The following MRPS28 variants were observed in gnomAD, a reference collection of about 807,000 sequenced individuals.
MRPS28 encodes mitochondrial ribosomal protein S28.
In MRPS28, 7 loss-of-function variants were observed where a neutral mutation model predicts 10.8. That is an observed-to-expected ratio of 0.65 (90% confidence interval 0.37 to 1.22). The LOEUF is 1.22. Ranked by LOEUF, MRPS28 falls within the 50% of genes most tolerant of loss-of-function variation. The pLI, the probability that MRPS28 is intolerant of heterozygous loss-of-function variation, is 0.02. For missense variants in MRPS28, 265 were observed against 232.9 expected, an observed-to-expected ratio of 1.14 and a Z score of -0.90; for synonymous variants, 121 against 93.3, an observed-to-expected ratio of 1.30 and a Z score of -1.71.
At chr8:79,986,709 A>C (rs1239358126) in intron 2 of MRPS28, among the ~76,000 whole-genome samples, 7 of 151,780 alleles carry the variant, frequency 4.6e-5, no homozygotes, top group Non-Finnish European at 8.8e-5. Flanking sequence ...CTAGGAATCC[A>C]ACTTACAAGG....
chr8:79,962,013 C>T (rs540638042), intron 2 of MRPS28, among the ~76,000 whole-genome samples: 162 of 152,004 alleles, frequency 1.1e-3, no homozygotes, highest in African/African-American at 3.7e-3. Flanking sequence ...TTAAGTGGAA[C>T]GAATATTTCT....
intron 2 of MRPS28, among the ~76,000 whole-genome samples, chr8:79,926,194 G>A (rs2129868775): frequency 6.6e-6 from 1 of 152,214 alleles, no homozygotes; most frequent in Non-Finnish European, 1.5e-5. Context: ...CCTGAAATAT[G>A]CTGATGATTA....
chr8:80,027,429 C>G (rs1049278868), intron 1 of MRPS28, among the ~76,000 whole-genome samples: 2 of 152,150 alleles, frequency 1.3e-5, no homozygotes, highest in African/African-American at 4.8e-5. Context: ...GCTTTTAACC[C>G]AAGCAGGGTC....
chr8:79,994,880 A>G (rs1289564570), intron 2 of MRPS28, among the ~76,000 whole-genome samples: 2 of 152,146 alleles, frequency 1.3e-5, no homozygotes, highest in Admixed American at 6.6e-5. Context: ...TTGAATTCCC[A>G]GAAGAGGCAG....
chr8:79,999,680 A>G (rs1453791624), intron 2 of MRPS28, among the ~76,000 whole-genome samples: 1 of 152,218 alleles, frequency 6.6e-6, no homozygotes, highest in East Asian at 1.9e-4. Context: ...TGGAGTTGTT[A>G]TCTACATAGC....
At position 79,931,753 on chromosome 8, in the gene MRPS28, C is replaced by A. The variant is rs146709864; in HGVS notation, c.396-12605G>T. Among the ~76,000 whole-genome samples the A allele has an allele frequency of 5.2e-3, 794 of 152,318 alleles. 5 individuals carry two copies. The highest frequency in any genetic ancestry group is 0.018 in the African/African-American group (760 of 41,558). ...AAGTAGGTCTGGCTGTTAAGGTTTA[C>A]TGGAGCTGACTAATTGACTAGCAGG... On this transcript the variant is annotated intron_variant, in intron 2 of 2. Transcript: ENST00000276585.
chr8:79,928,589 G>C (rs975082469), intron 2 of MRPS28, among the ~76,000 whole-genome samples: 14 of 151,854 alleles, frequency 9.2e-5, no homozygotes, highest in Non-Finnish European at 2.9e-5. Flanking sequence ...ATAGGTGTGT[G>C]CTACCACACC....
intron 2 of MRPS28, among the ~76,000 whole-genome samples, chr8:79,920,153 G>T (rs1056623837): frequency 1.3e-5 from 2 of 152,096 alleles, no homozygotes; most frequent in African/African-American, 2.4e-5. Context: ...GTATTCCATG[G>T]TGTATATGTG....
At chr8:79,927,158 A>G (rs1027172021) in intron 2 of MRPS28, among the ~76,000 whole-genome samples, 1 of 152,232 alleles carries the variant, frequency 6.6e-6, no homozygotes, top group African/African-American at 2.4e-5. Context: ...TATGAAAATT[A>G]AAGAGATTAA....
At chr8:79,969,243 T>C (rs1330583659) in intron 2 of MRPS28, among the ~76,000 whole-genome samples, 2 of 152,202 alleles carry the variant, frequency 1.3e-5, no homozygotes, top group Non-Finnish European at 2.9e-5. Context: ...GAGGATAATG[T>C]ACTAAACCTA....
chr8:79,990,619 T>C (rs1808334838), intron 2 of MRPS28, among the ~76,000 whole-genome samples: 1 of 80,298 alleles, frequency 1.2e-5, no homozygotes, highest in Non-Finnish European at 2.4e-5. Context: ...GTGGTCACTT[T>C]AAATGCATAC....
chr8:79,938,574 A>G (rs953231208), intron 2 of MRPS28, among the ~76,000 whole-genome samples: 2 of 152,184 alleles, frequency 1.3e-5, no homozygotes, highest in Admixed American at 6.5e-5. Flanking sequence ...ATGCCACCAG[A>G]TTAAAAAACA....
chr8:79,992,374 C>A, intron 2 of MRPS28, among the ~76,000 whole-genome samples: 1 of 152,220 alleles, frequency 6.6e-6, no homozygotes, highest in East Asian at 1.9e-4. Context: ...GATGTCCTTT[C>A]ATTATCCATC....
chr8:79,985,331 C>T (rs1808122514), intron 2 of MRPS28, among the ~76,000 whole-genome samples: 1 of 152,050 alleles, frequency 6.6e-6, no homozygotes, highest in African/African-American at 2.4e-5. Flanking sequence ...CAGGAAAGAT[C>T]CAAAATGGAC....
chr8:79,963,378 C>T (rs963575450), intron 2 of MRPS28, among the ~76,000 whole-genome samples: 19 of 152,182 alleles, frequency 1.2e-4, no homozygotes, highest in Non-Finnish European at 2.2e-4. Context: ...CAAAAAACCA[C>T]GTATTTTTTT....
In MRPS28 at chr8:79,948,567, AAGGCTTTCAC is replaced by A. The variant is rs549694320; in HGVS notation, c.396-29429_396-29420del. 3.1e-3 allele frequency among the ~76,000 whole-genome samples: 472 copies of A among 152,340 alleles called. 3 individuals carry two copies. Among genetic ancestry groups the A allele is most frequent in the Middle Eastern group, 6.8e-3 (2 of 294 alleles). On this transcript the variant is annotated intron_variant, in intron 2 of 2. Coordinates refer to ENST00000276585, the MANE Select transcript of MRPS28 (RefSeq NM_014018.3). ...CTTATTTCTGATTTTAGAAAATATC[AAGGCTTTCAC>A]AGCTGAGTTTGATGTTAATTTTAAG...
intron 2 of MRPS28, among the ~76,000 whole-genome samples, chr8:80,000,358 T>A (rs1415433374): frequency 1.3e-5 from 2 of 152,170 alleles, no homozygotes; most frequent in East Asian, 3.9e-4. Context: ...TACAGATAAC[T>A]ACAGAACAAA....
intron 2 of MRPS28, among the ~76,000 whole-genome samples, chr8:79,997,334 A>C (rs932579177): frequency 6.6e-6 from 1 of 152,170 alleles, no homozygotes; most frequent in African/African-American, 2.4e-5. Context: ...ATTAATGCAA[A>C]TATTCTAATA....
chr8:79,978,970 A>G (rs1408524983), intron 2 of MRPS28, among the ~76,000 whole-genome samples: 4 of 152,258 alleles, frequency 2.6e-5, no homozygotes, highest in African/African-American at 9.6e-5. Context: ...AGTCATTTCT[A>G]ATATAAAATA....
Sources: allele counts gnomAD v4.1 joint callset (sites outside exome capture counted in the v4.1 genomes callset), GRCh38; gene constraint gnomAD v4.1.1; transcripts MANE v1.5; gene names NCBI Gene and HGNC (gene_info 2026-07-23, HGNC 2026-07-21).